SEMA6D: variants seen among roughly 807,000 people sequenced by gnomAD.
SEMA6D encodes semaphorin 6D, also known as semaphorin-6D.
In SEMA6D, 35 loss-of-function variants were observed where a neutral mutation model predicts 106.6. That is an observed-to-expected ratio of 0.33 (90% CI 0.25 to 0.44). The LOEUF (loss-of-function observed/expected upper bound fraction) is 0.44, where lower values mean the gene tolerates loss of function less well. Among genes scored for constraint, SEMA6D ranks in the 20% least tolerant of loss-of-function variants. The pLI, the probability that SEMA6D is intolerant of heterozygous loss-of-function variation, is 1.00. For missense variants in SEMA6D, 1,185 were observed against 1,345.9 expected, an observed-to-expected ratio of 0.88 and a Z score of 1.87; for synonymous variants, 499 against 487.7, an observed-to-expected ratio of 1.02 and a Z score of -0.31.
chr15:47,234,839 T>C (rs2032439469), intron 1 of SEMA6D, among the ~76,000 whole-genome samples: 1 of 152,106 alleles, frequency 6.6e-6, no homozygotes, highest in African/African-American at 2.4e-5. Flanking sequence ...GATATAATGA[T>C]TTATTTTCCT....
chr15:47,379,175 A>T (rs534725901), intron 1 of SEMA6D, among the ~76,000 whole-genome samples: 48 of 152,302 alleles, frequency 3.2e-4, no homozygotes, highest in African/African-American at 1.1e-3. Flanking sequence ...ATTAATTCAA[A>T]TTGTTTACAT....
chr15:47,251,907 ATTTTTTTTTTTTTTTT>A (rs994788645), intron 1 of SEMA6D, among the ~76,000 whole-genome samples: 3 of 81,996 alleles, frequency 3.7e-5, no homozygotes, highest in African/African-American at 1.6e-4. Flanking sequence ...TTCTAATTGG[ATTTTTTTTTTTTTTTT>A]TTTTTTTTTT....
At chr15:47,477,567 C>G (rs1209493051) in intron 3 of SEMA6D, among the ~76,000 whole-genome samples, 4 of 152,116 alleles carry the variant, frequency 2.6e-5, no homozygotes, top group African/African-American at 9.7e-5. Context: ...TTGCTGTCAT[C>G]ATAAATAAAT....
intron 2 of SEMA6D, among the ~76,000 whole-genome samples, chr15:47,456,602 A>G (rs1338165903): frequency 6.6e-6 from 1 of 152,058 alleles, no homozygotes; most frequent in Non-Finnish European, 1.5e-5. Flanking sequence ...CAGAGACTAC[A>G]TTTGTGCACT....
intron 3 of SEMA6D, among the ~76,000 whole-genome samples, chr15:47,545,117 A>G (rs139676130): frequency 2.6e-5 from 4 of 152,268 alleles, no homozygotes; most frequent in South Asian, 2.1e-4. Flanking sequence ...GAACTTGCCT[A>G]GAAAATGTAG....
At chr15:47,376,807 G>A (rs1257723553) in intron 1 of SEMA6D, among the ~76,000 whole-genome samples, 2 of 152,126 alleles carry the variant, frequency 1.3e-5, no homozygotes, top group Non-Finnish European at 2.9e-5. Flanking sequence ...CCCCTCAGTT[G>A]ACCCTTTGTA....
intron 1 of SEMA6D, among the ~76,000 whole-genome samples, chr15:47,334,572 T>C (rs1369054560): frequency 6.6e-6 from 1 of 152,222 alleles, no homozygotes; most frequent in Non-Finnish European, 1.5e-5. Flanking sequence ...AGAAGTCTTC[T>C]GTGTTGATTA....
At chr15:47,512,895 G>T (rs1196452758) in intron 3 of SEMA6D, among the ~76,000 whole-genome samples, 2 of 152,196 alleles carry the variant, frequency 1.3e-5, no homozygotes, top group African/African-American at 2.4e-5. Context: ...GCAGGGATTA[G>T]TCTATAGATG....
At chr15:47,228,285 T>C (rs924476450) in intron 1 of SEMA6D, among the ~76,000 whole-genome samples, 4 of 151,806 alleles carry the variant, frequency 2.6e-5, no homozygotes, top group East Asian at 1.9e-4. Context: ...AGAACATTGG[T>C]TTTGTATGAA....
At position 47,768,645 on chromosome 15, in the gene SEMA6D, G is replaced by A. The variant is rs1315227513; in HGVS notation, c.1830G>A (p.Val610=). Residue 610 remains valine, a synonymous_variant, in exon 18 of 19, where the codon GTG becomes GTA. Coordinates refer to ENST00000536845, the MANE Select transcript of SEMA6D (RefSeq NM_001358351.3). Reference sequence around the variant, plus strand: ...GTATCCCAGAAATCACACCTAAAGTGATTGATACCTGGAGACCTAAACTGA... The same window carrying A: ...GTATCCCAGAAATCACACCTAAAGTAATTGATACCTGGAGACCTAAACTGA... The part of the protein sequence containing the change: ...MASIPEITPK[V]IDTWRPKLTS... The A allele has an allele frequency of 1.2e-6, 2 of 1,613,590 alleles. No individual in the cohort carries two copies. The highest frequency in any genetic ancestry group is 2.7e-5 in the African/African-American group (2 of 75,012).
At chr15:47,259,610 C>G (rs1252005023) in intron 1 of SEMA6D, among the ~76,000 whole-genome samples, 3 of 151,768 alleles carry the variant, frequency 2.0e-5, no homozygotes, top group African/African-American at 7.3e-5. Context: ...AAAATTTGTT[C>G]TTTGTCTTAG....
intron 1 of SEMA6D, among the ~76,000 whole-genome samples, chr15:47,336,880 G>T (rs1374892129): frequency 6.6e-6 from 1 of 152,262 alleles, no homozygotes; most frequent in East Asian, 1.9e-4. Flanking sequence ...TGCTTGGAAG[G>T]CTGCTACTTT....
intron 1 of SEMA6D, among the ~76,000 whole-genome samples, chr15:47,185,428 A>G (rs888422342): frequency 6.6e-6 from 1 of 152,144 alleles, no homozygotes; most frequent in Non-Finnish European, 1.5e-5. Flanking sequence ...AGTGTTATTG[A>G]CAGCTGGCCG....
intron 4 of SEMA6D, among the ~76,000 whole-genome samples, chr15:47,688,700 C>A (rs1383430410): frequency 6.6e-6 from 1 of 152,150 alleles, no homozygotes; most frequent in African/African-American, 2.4e-5. Context: ...GACTTATTTT[C>A]AAGTTTTGAG....
intron 2 of SEMA6D, among the ~76,000 whole-genome samples, chr15:47,427,517 T>C (rs1246512331): frequency 6.6e-6 from 1 of 152,194 alleles, no homozygotes; most frequent in Non-Finnish European, 1.5e-5. Context: ...TTGGAAAATC[T>C]TGATCTCAGA....
chr15:47,736,268 G>A (rs1201974978), intron 1 of SEMA6D, among the ~76,000 whole-genome samples: 1 of 152,096 alleles, frequency 6.6e-6, no homozygotes, highest in African/African-American at 2.4e-5. Context: ...ATTTGTATTA[G>A]CATTGAGTGG....
chr15:47,426,965 A>T (rs945408705), intron 2 of SEMA6D, among the ~76,000 whole-genome samples: 3 of 152,164 alleles, frequency 2.0e-5, no homozygotes, highest in Admixed American at 6.6e-5. Flanking sequence ...TAGAAATCAC[A>T]TGCTTCTTTA....
chr15:47,590,519 T>TA (rs113851763), intron 3 of SEMA6D, among the ~76,000 whole-genome samples: 26,309 of 151,750 alleles, frequency 0.17, 2,646 homozygotes, highest in African/African-American at 0.26. Flanking sequence ...CCCTAGAACT[T>TA]AAAGTATAAT....
chr15:47,305,465 T>C (rs2036197357), intron 1 of SEMA6D, among the ~76,000 whole-genome samples: 1 of 152,192 alleles, frequency 6.6e-6, no homozygotes, highest in Admixed American at 6.5e-5. Context: ...ATTAGCACCA[T>C]CTGGAAAAAG....
Sources: gnomAD v4.1 joint callset for allele counts (sites outside exome capture counted in the v4.1 genomes callset) on GRCh38, gnomAD v4.1.1 for gene constraint, MANE v1.5 for transcripts, NCBI Gene and HGNC (gene_info 2026-07-23, HGNC 2026-07-21) for gene names.